The following CARMIL1 variants were observed in gnomAD, a reference collection of about 807,000 sequenced individuals.
The protein encoded by CARMIL1 is F-actin-uncapping protein LRRC16A.
CARMIL1 carries 90 observed loss-of-function variants against 177.1 expected under a neutral mutation model. That is an observed-to-expected ratio of 0.51 (90% CI 0.43 to 0.61). CARMIL1 has a LOEUF of 0.61. CARMIL1 is among the 20% of genes least tolerant of loss of function. The pLI is 0.00. For missense variants in CARMIL1, 1,380 were observed against 1,667.0 expected (o/e 0.83, Z 3.00); for synonymous variants, 577 against 606.2 (o/e 0.95, Z 0.71).
intron 29 of CARMIL1, among the ~76,000 whole-genome samples, chr6:25,576,578 A>G (rs1019495136): frequency 2.6e-5 from 4 of 152,196 alleles, no homozygotes; most frequent in African/African-American, 4.8e-5. Context: ...CAGGACTTGC[A>G]TGGGGTTCTT....
chr6:25,296,923 AT>A (rs1248038509), intron 2 of CARMIL1, among the ~76,000 whole-genome samples: 28 of 36,774 alleles, frequency 7.6e-4, no homozygotes, highest in African/African-American at 2.6e-3. Context: ...CTATCTATCT[AT>A]CTATCTATCT....
At chr6:25,283,088 C>T (rs1207197957) in intron 1 of CARMIL1, among the ~76,000 whole-genome samples, 1 of 151,946 alleles carries the variant, frequency 6.6e-6, no homozygotes, top group East Asian at 1.9e-4. Context: ...GAAAGGGCAT[C>T]CCAGGAAAGA....
Position 25,420,149 on chromosome 6 carries a change from G to A in CARMIL1, c.174G>A (p.Ala58=), listed in dbSNP as rs372210740. The part of the protein sequence containing the change: ...LTSCRAFLVT[A]RIPTKLELTF... ...CATGCCGAGCCTTCCTTGTAACAGC[G>A]CGAATCCCCACCAAGGTAAGTGTTG... Residue 58 remains alanine, a synonymous_variant, in exon 3 of 37, where the codon GCG becomes GCA. Transcript: ENST00000329474. 14 of 1,613,378 alleles carry A rather than the reference G, an allele frequency of 8.7e-6. No homozygotes were observed. The highest frequency in any genetic ancestry group is 6.7e-5 in the East Asian group (3 of 44,886).
At chr6:25,498,268 T>G (rs533526598) in intron 16 of CARMIL1, among the ~76,000 whole-genome samples, 1 of 152,324 alleles carries the variant, frequency 6.6e-6, no homozygotes, top group East Asian at 1.9e-4. Flanking sequence ...TACAAATTGT[T>G]CTCTAAGCAA....
intron 29 of CARMIL1, 30 bp from the exon 30 acceptor site, chr6:25,580,894 T>G (rs752702233): frequency 2.0e-6 from 3 of 1,514,536 alleles, no homozygotes; most frequent in Non-Finnish European, 2.7e-6. Context: ...GCTACCTAAG[T>G]GTTTTTTTAA....
At chr6:25,311,427 C>T (rs7758244) in intron 2 of CARMIL1, among the ~76,000 whole-genome samples, 7,047 of 152,100 alleles carry the variant, frequency 0.046, 234 homozygotes, top group Middle Eastern at 0.099. Flanking sequence ...AAGCTGGACT[C>T]TAAGGATCTC....
In CARMIL1 at chr6:25,495,154, A is replaced by G; in HGVS notation, c.1264A>G (p.Ser422Gly). Reference protein sequence around the residue: ...VPPSFKQFFSSSLALMHINLS... With the variant: ...VPPSFKQFFSGSLALMHINLS... The stretch of plus-strand genomic sequence containing the variant: ...TCCATCTTTCAAGCAATTTTTTAGT[A>G]GTTCTCTGGCTTTGATGCACATCAA... The change falls in exon 16 of 37, where the codon AGT (serine) becomes GGT (glycine). Residue 422 changes from serine to glycine, a missense_variant. Coordinates refer to ENST00000329474, the MANE Select transcript of CARMIL1 (RefSeq NM_017640.6). 1 of 1,613,406 alleles carries G rather than the reference A, an allele frequency of 6.2e-7. No individual in the cohort carries two copies.
At chr6:25,450,464 A>C (rs943722999) in intron 7 of CARMIL1, 55 bp downstream of exon 7, 2 of 1,436,532 alleles carry the variant, frequency 1.4e-6, no homozygotes, top group African/African-American at 2.8e-5. Flanking sequence ...AGAATATTCT[A>C]ATGTTTGGCT....
chr6:25,491,714 C>T lies in CARMIL1; in HGVS notation c.1066-18C>T. The T allele has an allele frequency of 2.6e-6, 4 of 1,518,950 alleles. No individual in the cohort carries two copies. The highest frequency in any genetic ancestry group is 3.6e-6 in the Non-Finnish European group (4 of 1,112,232). The allele number at this position is 1,518,950 out of a possible 1,614,324, so 94.1% of individuals were successfully genotyped here. On this transcript the variant is annotated intron_variant, in intron 13 of 36. Transcript: ENST00000329474. Reference sequence around the variant, plus strand: ...GTGTTTCTAGAATCCTAACATTTATCTTTTATTTTTTTTCAAGCACATGTA... The same window carrying T: ...GTGTTTCTAGAATCCTAACATTTATTTTTTATTTTTTTTCAAGCACATGTA...
intron 26 of CARMIL1, among the ~76,000 whole-genome samples, chr6:25,544,630 C>G (rs1562270695): frequency 6.6e-6 from 1 of 151,652 alleles, no homozygotes; most frequent in Non-Finnish European, 1.5e-5. Flanking sequence ...CACACACACA[C>G]ACACACACAC....
At chr6:25,414,737 A>G (rs1795221142) in intron 2 of CARMIL1, among the ~76,000 whole-genome samples, 1 of 152,130 alleles carries the variant, frequency 6.6e-6, no homozygotes, top group African/African-American at 2.4e-5. Context: ...AGTTTTGGGA[A>G]AGCTTGGAAG....
chr6:25,518,021 A>C (rs1806183728), intron 22 of CARMIL1, among the ~76,000 whole-genome samples: 1 of 152,168 alleles, frequency 6.6e-6, no homozygotes, highest in Non-Finnish European at 1.5e-5. Flanking sequence ...GGGCTTTTCG[A>C]TCCTCATATT....
chr6:25,596,277 G>A (rs1011443576), intron 32 of CARMIL1, among the ~76,000 whole-genome samples: 1 of 152,110 alleles, frequency 6.6e-6, no homozygotes, highest in African/African-American at 2.4e-5. Flanking sequence ...CAAATAATAT[G>A]ATGGAATCTA....
chr6:25,433,062 T>C (rs1484278072), intron 4 of CARMIL1: 2 of 152,192 alleles, frequency 1.3e-5, no homozygotes, highest in African/African-American at 2.4e-5. Flanking sequence ...AGGTGACTTA[T>C]TGTGTTGGTT....
intron 2 of CARMIL1, among the ~76,000 whole-genome samples, chr6:25,295,599 A>G (rs1052687704): frequency 4.6e-5 from 7 of 152,180 alleles, no homozygotes; most frequent in African/African-American, 9.7e-5. Context: ...ACAAGAGTCT[A>G]CTTGGCAGAA....
At chr6:25,393,378 G>A (rs1793066260) in intron 2 of CARMIL1, 1 of 151,868 alleles carries the variant, frequency 6.6e-6, no homozygotes, top group African/African-American at 2.4e-5. Context: ...CCAACATGGA[G>A]AAACCCCATC....
intron 9 of CARMIL1, among the ~76,000 whole-genome samples, chr6:25,467,631 A>G (rs1037761835): frequency 6.6e-6 from 1 of 152,144 alleles, no homozygotes; most frequent in African/African-American, 2.4e-5. Context: ...AGGACATAAA[A>G]TATGTACCTA....
chr6:25,529,755 C>CAAAAAAA lies in CARMIL1; in HGVS notation c.2067+886_2067+892dup, dbSNP rs70977217. Among the ~76,000 whole-genome samples, 79 of 33,384 alleles carry CAAAAAAA rather than the reference C, an allele frequency of 2.4e-3. 6 individuals are homozygous for CAAAAAAA. Among genetic ancestry groups the CAAAAAAA allele is most frequent in the African/African-American group, 4.0e-3 (42 of 10,542 alleles). The allele number at this position is 33,384 out of a possible 152,430, so 21.9% of individuals were successfully genotyped here. A position where few individuals can be genotyped will look rare whatever the true frequency, so the allele number is the denominator to read the frequency against. ...GGGCGACAGAGCGAGACTCCGTCTC[C>CAAAAAAA]AAAAAAAAAAAAAAAAAAAAAAAAA... On this transcript the variant is annotated intron_variant, in intron 24 of 36. Transcript: ENST00000329474.
At chr6:25,538,120 A>G (rs1175899484) in intron 25 of CARMIL1, 137 bp downstream of exon 25, 2 of 883,726 alleles carry the variant, frequency 2.3e-6, no homozygotes, top group Admixed American at 5.6e-5. Flanking sequence ...GAACTGAATT[A>G]GCCTTGACCT....
Sources: allele counts gnomAD v4.1 joint callset (sites outside exome capture counted in the v4.1 genomes callset), GRCh38; gene constraint gnomAD v4.1.1; transcripts MANE v1.5; gene names NCBI Gene and HGNC (gene_info 2026-07-23, HGNC 2026-07-21).